Variants in SLC6A11 observed in about 807,000 individuals in gnomAD.
The protein encoded by SLC6A11 is solute carrier family 6 member 11.
A neutral mutation model predicts 74.8 loss-of-function variants in SLC6A11; 25 were observed. The observed-to-expected ratio is 0.33, with a 90% confidence interval of 0.24 to 0.47. The LOEUF (loss-of-function observed/expected upper bound fraction) is 0.47. SLC6A11 is among the 20% of genes least tolerant of loss of function. SLC6A11 has a pLI of 1.00. For missense variants in SLC6A11, 574 were observed against 837.0 expected, an observed-to-expected ratio of 0.69 and a Z score of 3.88; for synonymous variants, 330 against 330.2, an observed-to-expected ratio of 1.00 and a Z score of 0.01.
chr3:10,827,370 A>C (rs2106574533), intron 4 of SLC6A11, among the ~76,000 whole-genome samples: 1 of 152,334 alleles, frequency 6.6e-6, no homozygotes, highest in South Asian at 2.1e-4. Context: ...GCTAGGAATA[A>C]GTTCTTCCTT....
intron 5 of SLC6A11, among the ~76,000 whole-genome samples, chr3:10,856,619 C>G (rs1694641551): frequency 6.6e-6 from 1 of 152,158 alleles, no homozygotes; most frequent in African/African-American, 2.4e-5. Flanking sequence ...GGTGCGTTTC[C>G]CCCTGGTACC....
chr3:10,858,600 T>A (rs1694665905), intron 5 of SLC6A11, among the ~76,000 whole-genome samples: 1 of 152,226 alleles, frequency 6.6e-6, no homozygotes, highest in South Asian at 2.1e-4. Context: ...ATCTTCACAA[T>A]AATTCTTTGA....
At chr3:10,932,665 G>A (rs988114736) in intron 10 of SLC6A11, among the ~76,000 whole-genome samples, 1 of 152,192 alleles carries the variant, frequency 6.6e-6, no homozygotes, top group Non-Finnish European at 1.5e-5. Flanking sequence ...GGCCAATGAG[G>A]AGGGCAGCAG....
At chr3:10,905,566 A>C (rs2581211) in intron 6 of SLC6A11, among the ~76,000 whole-genome samples, 96,811 of 152,184 alleles carry the variant, frequency 0.64, 32,286 homozygotes, top group African/African-American at 0.82. Flanking sequence ...TTTAATACAG[A>C]GTAACCTAGC....
intron 6 of SLC6A11, among the ~76,000 whole-genome samples, chr3:10,883,935 C>G (rs964675100): frequency 1.3e-5 from 2 of 152,124 alleles, no homozygotes; most frequent in Non-Finnish European, 2.9e-5. Context: ...TTCATTGTTC[C>G]TAATACCAAG....
chr3:10,828,854 T>C (rs1694254559), intron 4 of SLC6A11, among the ~76,000 whole-genome samples: 1 of 152,248 alleles, frequency 6.6e-6, no homozygotes, highest in African/African-American at 2.4e-5. Flanking sequence ...TTGATTATTC[T>C]CTCTTTCTCC....
intron 6 of SLC6A11, among the ~76,000 whole-genome samples, chr3:10,883,129 C>T (rs934365562): frequency 2.6e-5 from 4 of 152,180 alleles, no homozygotes; most frequent in African/African-American, 7.2e-5. Context: ...TTAAGTTTCT[C>T]GTCAAGAACT....
At chr3:10,927,340 G>A (rs1381555406) in intron 9 of SLC6A11, among the ~76,000 whole-genome samples, 2 of 152,152 alleles carry the variant, frequency 1.3e-5, no homozygotes, top group Non-Finnish European at 1.5e-5. Flanking sequence ...CCAGCAGTTG[G>A]GCCTGGGGGC....
At chr3:10,847,446 C>T (rs185057478) in intron 5 of SLC6A11, among the ~76,000 whole-genome samples, 30 of 152,288 alleles carry the variant, frequency 2.0e-4, no homozygotes, top group Admixed American at 6.5e-4. Flanking sequence ...TGGGTTTCTC[C>T]TCCATGTGTC....
chr3:10,820,841 A>G (rs929033386), intron 3 of SLC6A11, among the ~76,000 whole-genome samples: 8 of 152,088 alleles, frequency 5.3e-5, no homozygotes, highest in African/African-American at 1.7e-4. Flanking sequence ...TGGCGCACAC[A>G]CTTTGACCTA....
chr3:10,919,936 T>A (rs1695513675), intron 8 of SLC6A11, among the ~76,000 whole-genome samples: 3 of 152,192 alleles, frequency 2.0e-5, no homozygotes, highest in Admixed American at 2.0e-4. Flanking sequence ...ATCAAACTCA[T>A]GTACTTCCCA....
At chr3:10,902,187 C>T (rs897750795) in intron 6 of SLC6A11, among the ~76,000 whole-genome samples, 7 of 152,190 alleles carry the variant, frequency 4.6e-5, no homozygotes, top group Non-Finnish European at 8.8e-5. Flanking sequence ...AAGCTCTGAT[C>T]TGGCTTCTTG....
intron 6 of SLC6A11, among the ~76,000 whole-genome samples, chr3:10,875,539 A>T (rs1022846961): frequency 1.3e-5 from 2 of 151,824 alleles, no homozygotes; most frequent in East Asian, 1.9e-4. Flanking sequence ...ATTAAAAATT[A>T]AAAAAAAATT....
chr3:10,907,402 G>T (rs541384480), intron 6 of SLC6A11, among the ~76,000 whole-genome samples: 8 of 152,288 alleles, frequency 5.3e-5, no homozygotes, highest in African/African-American at 1.7e-4. Context: ...GGTATAGAAG[G>T]TGAGCAAAGA....
At chr3:10,903,239 T>C (rs777471216) in intron 6 of SLC6A11, among the ~76,000 whole-genome samples, 40 of 152,224 alleles carry the variant, frequency 2.6e-4, no homozygotes, top group Non-Finnish European at 4.4e-5. Flanking sequence ...CATGCCCTTC[T>C]GTTCTGATTG....
At chr3:10,928,138 A>T (rs1354920813) in intron 9 of SLC6A11, among the ~76,000 whole-genome samples, 1 of 152,144 alleles carries the variant, frequency 6.6e-6, no homozygotes, top group Non-Finnish European at 1.5e-5. Context: ...ACTGCCTAAA[A>T]CAGCCTGGCA....
In SLC6A11 at chr3:10,879,677, C is replaced by T. The variant is rs140814502; in HGVS notation, c.891+4582C>T. The stretch of plus-strand genomic sequence containing the variant: ...ATAGGCATTAGGAATAAAACCGGGA[C>T]ATAAACCATATCAAAATCATGGCTT... On this transcript the variant is annotated intron_variant, in intron 6 of 13. Transcript: ENST00000254488. Among the ~76,000 whole-genome samples, 73 of 152,272 alleles carry T rather than the reference C, an allele frequency of 4.8e-4. 2 individuals are homozygous for T. The East Asian group carries it at 0.013, about 28-fold the overall frequency.
intron 4 of SLC6A11, among the ~76,000 whole-genome samples, chr3:10,843,336 T>A (rs888535298): frequency 2.6e-5 from 4 of 152,140 alleles, no homozygotes; most frequent in African/African-American, 9.7e-5. Flanking sequence ...AGGCTCCCTG[T>A]GTTACTGCCT....
At chr3:10,895,436 A>T (rs927258627) in intron 6 of SLC6A11, among the ~76,000 whole-genome samples, 1 of 152,168 alleles carries the variant, frequency 6.6e-6, no homozygotes, top group Non-Finnish European at 1.5e-5. Context: ...GACTGAGATC[A>T]TGTCCTTTGC....
Sources: gnomAD v4.1 joint callset for allele counts (sites outside exome capture counted in the v4.1 genomes callset) on GRCh38, gnomAD v4.1.1 for gene constraint, MANE v1.5 for transcripts, NCBI Gene and HGNC (gene_info 2026-07-23, HGNC 2026-07-21) for gene names.